Variants in CAMKMT observed in about 807,000 individuals in gnomAD.
The protein encoded by CAMKMT is CaM KMT.
Under a neutral mutation model 48.0 loss-of-function variants are expected in CAMKMT, and 53 were observed. The observed-to-expected ratio is 1.10, with a 90% CI of 0.89 to 1.39. CAMKMT has a LOEUF of 1.39. CAMKMT is among the 40% of genes most tolerant of loss of function. The pLI is 0.00. For synonymous variants in CAMKMT, 165 were observed against 152.3 expected, an observed-to-expected ratio of 1.08 and a Z score of -0.61; for missense variants, 428 against 402.7, an observed-to-expected ratio of 1.06 and a Z score of -0.54.
chr2:44,733,411 T>G (rs1486719705), intron 7 of CAMKMT, among the ~76,000 whole-genome samples: 1 of 152,200 alleles, frequency 6.6e-6, no homozygotes, highest in Non-Finnish European at 1.5e-5. Context: ...CTAAAGTCAC[T>G]TATTAGTTCT....
chr2:44,742,990 G>C lies in CAMKMT; in HGVS notation c.624-632G>C, dbSNP rs571974933. Among the ~76,000 whole-genome samples, 10 of 152,276 alleles carry C rather than the reference G, an allele frequency of 6.6e-5. No homozygotes were observed. The South Asian group carries it at 2.1e-3, about 32-fold the overall frequency. ...AATTGAGAGTAACTAAAAACCTCTGGTTGGCCTCATAAGCATTAGTAAAGT... is the reference window on the plus strand; with the variant it reads ...AATTGAGAGTAACTAAAAACCTCTGCTTGGCCTCATAAGCATTAGTAAAGT... On this transcript the variant is annotated intron_variant, in intron 7 of 10. Transcript: ENST00000378494.
chr2:44,729,111 G>A (rs751351930), intron 7 of CAMKMT, among the ~76,000 whole-genome samples: 27 of 151,874 alleles, frequency 1.8e-4, no homozygotes, highest in African/African-American at 5.6e-4. Context: ...GAGCAAATAC[G>A]GGGTCATTCC....
chr2:44,610,438 A>G (rs879919387), intron 3 of CAMKMT, among the ~76,000 whole-genome samples: 4 of 152,184 alleles, frequency 2.6e-5, no homozygotes, highest in Admixed American at 6.5e-5. Flanking sequence ...TGGCACTTTT[A>G]TCATGTGAAG....
chr2:44,658,897 T>C (rs1289654869), intron 3 of CAMKMT, among the ~76,000 whole-genome samples: 6 of 152,124 alleles, frequency 3.9e-5, no homozygotes, highest in Non-Finnish European at 5.9e-5. Flanking sequence ...TAAGTACTCA[T>C]GCTTAATTTC....
At chr2:44,615,900 C>G (rs1304464807) in intron 3 of CAMKMT, among the ~76,000 whole-genome samples, 1 of 152,040 alleles carries the variant, frequency 6.6e-6, no homozygotes, top group African/African-American at 2.4e-5. Context: ...AGGCATTCAT[C>G]CCATGTCACC....
At chr2:44,410,577 C>T (rs1481770358) in intron 3 of CAMKMT, among the ~76,000 whole-genome samples, 1 of 151,884 alleles carries the variant, frequency 6.6e-6, no homozygotes, top group South Asian at 2.1e-4. Context: ...CCCTGAAATT[C>T]CAAATCTATT....
intron 3 of CAMKMT, among the ~76,000 whole-genome samples, chr2:44,552,837 G>A (rs554122158): frequency 6.6e-6 from 1 of 152,202 alleles, no homozygotes; most frequent in African/African-American, 2.4e-5. Context: ...TATTTATTCA[G>A]CCTTAGGGAC....
intron 3 of CAMKMT, among the ~76,000 whole-genome samples, chr2:44,610,955 G>A (rs1445192680): frequency 6.6e-6 from 1 of 152,054 alleles, no homozygotes; most frequent in Non-Finnish European, 1.5e-5. Flanking sequence ...TAACAAATTG[G>A]GCCCAAGAAA....
intron 3 of CAMKMT, among the ~76,000 whole-genome samples, chr2:44,517,617 G>T (rs1026093793): frequency 1.3e-5 from 2 of 152,124 alleles, no homozygotes; most frequent in Non-Finnish European, 2.9e-5. Flanking sequence ...CAAGTAATCA[G>T]AAAGTATTGA....
chr2:44,432,733 G>A (rs1023031345), intron 3 of CAMKMT, among the ~76,000 whole-genome samples: 17 of 151,692 alleles, frequency 1.1e-4, no homozygotes, highest in Admixed American at 3.9e-4. Context: ...ATTTTAACAT[G>A]TTAACTCTTT....
chr2:44,645,295 A>G lies in CAMKMT; in HGVS notation c.377-58988A>G, dbSNP rs140500229. Among the ~76,000 whole-genome samples, 231 of 152,352 alleles carry G rather than the reference A, an allele frequency of 1.5e-3. 2 individuals carry two copies. Among genetic ancestry groups the G allele is most frequent in the African/African-American group, 5.2e-3 (216 of 41,584 alleles). Reference sequence around the variant, plus strand: ...ATAACATGGAGAGTTTTAAGATGGCATATTTGTTCTAGCTTCATCTTTTCT... The same window carrying G: ...ATAACATGGAGAGTTTTAAGATGGCGTATTTGTTCTAGCTTCATCTTTTCT... On this transcript the variant is annotated intron_variant, in intron 3 of 10. Transcript: ENST00000378494.
chr2:44,382,927 A>G (rs887953827), intron 2 of CAMKMT, among the ~76,000 whole-genome samples: 10 of 152,226 alleles, frequency 6.6e-5, no homozygotes, highest in Admixed American at 4.6e-4. Flanking sequence ...AAAACAAAAC[A>G]CCACATACTG....
intron 3 of CAMKMT, among the ~76,000 whole-genome samples, chr2:44,416,728 C>A (rs907541889): frequency 1.1e-4 from 16 of 151,638 alleles, no homozygotes; most frequent in Non-Finnish European, 1.9e-4. Flanking sequence ...GTGCCCACAA[C>A]CACACCCGGC....
intron 3 of CAMKMT, among the ~76,000 whole-genome samples, chr2:44,402,358 TA>T (rs1682460288): frequency 6.7e-6 from 1 of 149,984 alleles, no homozygotes; most frequent in Non-Finnish European, 1.5e-5. Context: ...AGATAGAATT[TA>T]AAACAATTTC....
chr2:44,592,410 A>G (rs1308499635), intron 3 of CAMKMT, among the ~76,000 whole-genome samples: 1 of 152,102 alleles, frequency 6.6e-6, no homozygotes, highest in Admixed American at 6.6e-5. Flanking sequence ...TACCATCTAT[A>G]GAATCTATAG....
At chr2:44,506,756 C>T (rs915804274) in intron 3 of CAMKMT, among the ~76,000 whole-genome samples, 1 of 152,114 alleles carries the variant, frequency 6.6e-6, no homozygotes, top group Non-Finnish European at 1.5e-5. Context: ...AATAAGTGTG[C>T]TTTACTGACT....
intron 3 of CAMKMT, among the ~76,000 whole-genome samples, chr2:44,646,265 C>T (rs1673723692): frequency 6.6e-6 from 1 of 151,870 alleles, no homozygotes; most frequent in African/African-American, 2.4e-5. Context: ...CAGAAGAATA[C>T]TTCAACTCAG....
At chr2:44,504,716 G>T (rs1400803407) in intron 3 of CAMKMT, among the ~76,000 whole-genome samples, 1 of 152,168 alleles carries the variant, frequency 6.6e-6, no homozygotes, top group African/African-American at 2.4e-5. Context: ...CTTAATGGCT[G>T]ATGTTGTCAA....
At chr2:44,629,533 G>A (rs1257862044) in intron 3 of CAMKMT, among the ~76,000 whole-genome samples, 1 of 148,660 alleles carries the variant, frequency 6.7e-6, no homozygotes, top group Non-Finnish European at 1.5e-5. Flanking sequence ...CCTCCACAAT[G>A]GCTCAAGCAA....
Sources: gnomAD v4.1 joint callset for allele counts (sites outside exome capture counted in the v4.1 genomes callset) on GRCh38, gnomAD v4.1.1 for gene constraint, MANE v1.5 for transcripts, NCBI Gene and HGNC (gene_info 2026-07-23, HGNC 2026-07-21) for gene names.